JDP2: variants seen among roughly 807,000 people sequenced by gnomAD.
The protein encoded by JDP2 is progesterone receptor co-activator.
In JDP2, 9 loss-of-function variants were observed where a neutral mutation model predicts 17.1. That is an observed-to-expected ratio of 0.53 (90% CI 0.32 to 0.92). The LOEUF (loss-of-function observed/expected upper bound fraction) is 0.92. Ranked by LOEUF, JDP2 falls within the 40% of genes least tolerant of loss-of-function variation. The probability of loss-of-function intolerance (pLI) is 0.04; values close to 1 mark genes in which losing one functional copy is unlikely to be tolerated. For synonymous variants in JDP2, 107 were observed against 95.6 expected, an observed-to-expected ratio of 1.12 and a Z score of -0.69; for missense variants, 179 against 220.0, an observed-to-expected ratio of 0.81 and a Z score of 1.18.
At chr14:75,469,235 C>A in intron 3 of JDP2, 55 bp from the exon 4 acceptor site, 1 of 1,549,002 alleles carries the variant, frequency 6.5e-7, no homozygotes, top group Non-Finnish European at 8.8e-7. Flanking sequence ...GGCAGAGCCT[C>A]TCCCCAGAGC....
chr14:75,449,376 G>C (rs1380677042), intron 2 of JDP2, among the ~76,000 whole-genome samples: 1 of 152,228 alleles, frequency 6.6e-6, no homozygotes, highest in Non-Finnish European at 1.5e-5. Context: ...ATTGTAGATA[G>C]AGTCATTTTG....
Position 75,433,162 on chromosome 14 carries a change from T to C in JDP2, c.-23-4736T>C, listed in dbSNP as rs555326138. Among the ~76,000 whole-genome samples, 45 of 107,452 alleles carry C rather than the reference T, an allele frequency of 4.2e-4. 1 individual carries two copies. In the South Asian group the frequency reaches 0.015, roughly 36 times the overall value. The allele number at this position is 107,452 out of a possible 152,430, so 70.5% of individuals were successfully genotyped here. A position where few individuals can be genotyped will look rare whatever the true frequency, so the allele number is the denominator to read the frequency against. On this transcript the variant is annotated intron_variant, in intron 1 of 3. Coordinates refer to ENST00000651602, the MANE Select transcript of JDP2 (RefSeq NM_001135048.2). ...GTGAGCTGAGATTGCACCACCGCACTCCAGCCTGGGCAACAAGAGTGAAAC... is the reference window on the plus strand; with the variant it reads ...GTGAGCTGAGATTGCACCACCGCACCCCAGCCTGGGCAACAAGAGTGAAAC...
At chr14:75,450,621 C>T (rs1231357990) in intron 2 of JDP2, among the ~76,000 whole-genome samples, 2 of 152,206 alleles carry the variant, frequency 1.3e-5, no homozygotes. Context: ...GGTTTGTTCA[C>T]AGGTGAATGT....
At chr14:75,454,979 G>C (rs1390376718) in intron 2 of JDP2, among the ~76,000 whole-genome samples, 1 of 152,134 alleles carries the variant, frequency 6.6e-6, no homozygotes, top group African/African-American at 2.4e-5. Context: ...CAGCCGTCCA[G>C]TGCAGAGGCG....
rs1566750903 is a variant in JDP2, at chr14:75,469,200, C to T, written c.307-90C>T. On this transcript the variant is annotated intron_variant, in intron 3 of 3. Coordinates refer to ENST00000651602, the MANE Select transcript of JDP2 (RefSeq NM_001135048.2). ...CTGCAGAAAACAGGCCAGTGCCAGCCCAGCGTGCCCTGTGCCTAACCACAG... is the reference window on the plus strand; with the variant it reads ...CTGCAGAAAACAGGCCAGTGCCAGCTCAGCGTGCCCTGTGCCTAACCACAG... The T allele has an allele frequency of 4.9e-6, 6 of 1,227,606 alleles. No individual in the cohort carries two copies. In the East Asian group the frequency reaches 9.7e-5, roughly 20 times the overall value. The allele number at this position is 1,227,606 out of a possible 1,614,324, so 76.0% of individuals were successfully genotyped here.
In JDP2 at chr14:75,461,491, C is replaced by A; in HGVS notation, c.267C>A (p.Cys89Ter). The change falls in exon 3 of 4, where the codon TGC (cysteine) becomes TGA (stop). Residue 89 changes from cysteine (C) to a stop codon, truncating the protein, a stop_gained. Coordinates refer to ENST00000651602, the MANE Select transcript of JDP2 (RefSeq NM_001135048.2). LOFTEE classifies it high-confidence loss of function. ...AGAACAAAGTCGCAGCAGCCCGATGCCGGAACAAGAAGAAGGAGCGCACGG... is the reference window on the plus strand; with the variant it reads ...AGAACAAAGTCGCAGCAGCCCGATGACGGAACAAGAAGAAGGAGCGCACGG... ...REKNKVAAAR[C>*]RNKKKERTEF... is the part of the protein sequence containing the mutation. 1.9e-6 allele frequency: 3 copies of A among 1,609,752 alleles called. No homozygotes were observed. Among genetic ancestry groups the A allele is most frequent in the Non-Finnish European group, 2.5e-6 (3 of 1,178,876 alleles).
At chr14:75,431,446 A>G (rs914004713) in intron 1 of JDP2, among the ~76,000 whole-genome samples, 1 of 152,200 alleles carries the variant, frequency 6.6e-6, no homozygotes, top group Non-Finnish European at 1.5e-5. Context: ...TTGTCTTCTT[A>G]TGAAGCAGTG....
chr14:75,430,708 C>T lies in JDP2; in HGVS notation c.-24+2456C>T, dbSNP rs530773635. ...TCATTCTGTTGCTTGTCTTGGCAGT[C>T]GGTTCCGTGGCTTGTATTACCAGCT... On this transcript the variant is annotated intron_variant, in intron 1 of 3. Transcript: ENST00000651602. This position sits in a 1 kb window ranked among gnomAD's most constrained non-coding sequence, Gnocchi z 4.5. Among the ~76,000 whole-genome samples the T allele has an allele frequency of 4.9e-4, 75 of 152,162 alleles. 1 individual carries two copies. Among genetic ancestry groups the T allele is most frequent in the African/African-American group, 1.8e-3 (74 of 41,510 alleles).
rs901150590 is a variant in JDP2 at position 75,430,280 on chromosome 14, GA to G, written c.-24+2031del. Among the ~76,000 whole-genome samples the G allele has an allele frequency of 2.0e-5, 3 of 152,324 alleles. No homozygotes were observed. Among genetic ancestry groups the G allele is most frequent in the Admixed American group, 1.3e-4 (2 of 15,306 alleles). On this transcript the variant is annotated intron_variant, in intron 1 of 3. Coordinates refer to ENST00000651602, the MANE Select transcript of JDP2 (RefSeq NM_001135048.2). The surrounding 1 kb of genome is among the most constrained non-coding windows in gnomAD (Gnocchi z 4.5). ...TCTGTTTCCAGCTCCACTCTGGAAAGAAAGGGGCCAACGCCGACTCTAGGCC... is the reference window on the plus strand; with the variant it reads ...TCTGTTTCCAGCTCCACTCTGGAAAGAAGGGGCCAACGCCGACTCTAGGCC...
At chr14:75,461,370 G>A in intron 2 of JDP2, 56 bp from the exon 3 acceptor site, 1 of 1,350,114 alleles carries the variant, frequency 7.4e-7, no homozygotes, top group Non-Finnish European at 1.0e-6. Context: ...TGTCAGGACA[G>A]AAACTGTACT....
chr14:75,437,266 G>T (rs1460459278), intron 1 of JDP2, among the ~76,000 whole-genome samples: 1 of 151,434 alleles, frequency 6.6e-6, no homozygotes, highest in Non-Finnish European at 1.5e-5. Flanking sequence ...CTTTGCCTCA[G>T]TCCCTTCCTC....
intron 1 of JDP2, among the ~76,000 whole-genome samples, chr14:75,434,968 C>A (rs1884995431): frequency 6.6e-6 from 1 of 152,218 alleles, no homozygotes; most frequent in Non-Finnish European, 1.5e-5. Context: ...GCTTTCTGCG[C>A]CAGAAATGAT....
intron 2 of JDP2, chr14:75,445,481 A>G: frequency 2.0e-6 from 2 of 984,936 alleles, no homozygotes; most frequent in Non-Finnish European, 2.4e-6. Context: ...CACCCTACCA[A>G]CTCCCCAGTC....
chr14:75,434,410 A>T (rs185322155), intron 1 of JDP2, among the ~76,000 whole-genome samples: 1 of 152,070 alleles, frequency 6.6e-6, no homozygotes, highest in Non-Finnish European at 1.5e-5. Context: ...ATATCTGAGC[A>T]GTTAGGGGCT....
chr14:75,463,772 C>T (rs571562798), intron 3 of JDP2, among the ~76,000 whole-genome samples: 6 of 152,256 alleles, frequency 3.9e-5, no homozygotes, highest in African/African-American at 1.2e-4. Context: ...GCCCAGATCC[C>T]TCATAATAGG....
At chr14:75,462,569 T>C (rs1242628863) in intron 3 of JDP2, among the ~76,000 whole-genome samples, 1 of 152,202 alleles carries the variant, frequency 6.6e-6, no homozygotes, top group Non-Finnish European at 1.5e-5. Flanking sequence ...TATATTGGCA[T>C]TCATTCATTT....
At chr14:75,464,783 C>G (rs1886500353) in intron 3 of JDP2, among the ~76,000 whole-genome samples, 2 of 152,186 alleles carry the variant, frequency 1.3e-5, no homozygotes, top group African/African-American at 4.8e-5. Context: ...AAGGGGCAGG[C>G]CTTGGGAGGG....
Position 75,472,370 on chromosome 14 carries a change from T to A in JDP2, c.*2895T>A, listed in dbSNP as rs971006880. 2 of 152,190 alleles carry A rather than the reference T, an allele frequency of 1.3e-5. No homozygotes were observed. Among genetic ancestry groups the A allele is most frequent in the Non-Finnish European group, 2.9e-5 (2 of 68,036 alleles). 9.4% of individuals were successfully genotyped at this position (152,190 alleles called of 1,614,324 possible). A position where few individuals can be genotyped will look rare whatever the true frequency, so the allele number is the denominator to read the frequency against. ...TAAAACCTGAGGCTGAGCCTCCCCA[T>A]GAGAGGAAAAATGTGTTTGTGGTGT... On this transcript the variant is annotated 3_prime_UTR_variant, in exon 4 of 4. Transcript: ENST00000651602.
intron 2 of JDP2, among the ~76,000 whole-genome samples, chr14:75,459,428 C>T (rs1371466337): frequency 1.3e-5 from 2 of 152,166 alleles, no homozygotes; most frequent in African/African-American, 4.8e-5. Flanking sequence ...GCCTCTGCAG[C>T]TGACTCCCAG....
Sources: allele counts gnomAD v4.1 joint callset (sites outside exome capture counted in the v4.1 genomes callset), GRCh38; gene constraint gnomAD v4.1.1; non-coding constraint Gnocchi (gnomAD v3.1); transcripts MANE v1.5; gene names NCBI Gene and HGNC (gene_info 2026-07-23, HGNC 2026-07-21).